The following NKAIN1 variants were observed in gnomAD, a reference collection of about 807,000 sequenced individuals.
NKAIN1 encodes sodium/potassium transporting ATPase interacting 1.
A neutral mutation model predicts 31.6 loss-of-function variants in NKAIN1; 13 were observed. That is an observed-to-expected ratio of 0.41 (90% CI 0.27 to 0.65). The LOEUF is 0.65. Among genes scored for constraint, NKAIN1 ranks in the 30% least tolerant of loss-of-function variants. The pLI is 0.30. For synonymous variants in NKAIN1, 104 were observed against 109.0 expected (o/e 0.95, Z 0.28); for missense variants, 193 against 262.2 (o/e 0.74, Z 1.82).
At chr1:31,200,229 C>A (rs1240282533) in intron 1 of NKAIN1, among the ~76,000 whole-genome samples, 1 of 152,208 alleles carries the variant, frequency 6.6e-6, no homozygotes, top group Non-Finnish European at 1.5e-5. Context: ...AAAAAGCAAG[C>A]TGCAGAGCAA....
At chr1:31,200,844 C>CTT (rs58544346) in intron 1 of NKAIN1, among the ~76,000 whole-genome samples, 21 of 145,058 alleles carry the variant, frequency 1.4e-4, no homozygotes, top group Admixed American at 6.9e-4. Flanking sequence ...TCTCGAGTGC[C>CTT]TTTTTTTTTT....
intron 4 of NKAIN1, among the ~76,000 whole-genome samples, chr1:31,183,603 T>C (rs1385707484): frequency 6.6e-6 from 1 of 151,860 alleles, no homozygotes; most frequent in Non-Finnish European, 1.5e-5. Flanking sequence ...CATGTGCCAC[T>C]ATGCCTGGCT....
chr1:31,208,163 C>T (rs547494087), intron 1 of NKAIN1, among the ~76,000 whole-genome samples: 19 of 152,256 alleles, frequency 1.2e-4, no homozygotes, highest in Non-Finnish European at 2.5e-4. Flanking sequence ...ATTTACTAGC[C>T]GTGTGACCTC....
At chr1:31,218,624 C>T (rs1645536195) in intron 1 of NKAIN1, among the ~76,000 whole-genome samples, 3 of 152,218 alleles carry the variant, frequency 2.0e-5, no homozygotes, top group Non-Finnish European at 2.9e-5. Flanking sequence ...ACCATCACCT[C>T]ATGCTGCTGG....
Position 31,188,063 on chromosome 1 carries a change from C to A in NKAIN1, c.179G>T (p.Arg60Leu). ...GIFGTVQYRSRYLILYAAWLV... is the reference protein window; with the variant it reads ...GIFGTVQYRSLYLILYAAWLV... The stretch of plus-strand genomic sequence containing the variant: ...GGTGAGCCGTACCAGGATGAGGTAC[C>A]GGGAGCGGTACTGCACGGTGCCAAA... Residue 60 changes from arginine (R) to leucine (L), a missense_variant, in exon 2 of 7, where the codon CGG (arginine) becomes CTG (leucine). Physicochemically the swap from Arg to Leu is moderately radical, Grantham distance 102. Coordinates refer to ENST00000373736, the MANE Select transcript of NKAIN1 (RefSeq NM_024522.3). 1 of 1,553,462 alleles carries A rather than the reference C, an allele frequency of 6.4e-7. No homozygotes were observed. Among genetic ancestry groups the A allele is most frequent in the South Asian group, 1.2e-5 (1 of 84,110 alleles).
rs1645212102 is a variant in NKAIN1, at chr1:31,182,609, C to G, written c.472-19G>C. The G allele has an allele frequency of 1.9e-6, 3 of 1,613,836 alleles. No homozygotes were observed. Among genetic ancestry groups the G allele is most frequent in the African/African-American group, 2.7e-5 (2 of 74,922 alleles). On this transcript the variant is annotated intron_variant, in intron 4 of 6. Coordinates refer to ENST00000373736, the MANE Select transcript of NKAIN1 (RefSeq NM_024522.3). ...CGAACAGCTGGGAGTGGAGATGACA[C>G]GTCAGGGAGGAAGGAGGAGTGGGAA...
intron 1 of NKAIN1, among the ~76,000 whole-genome samples, chr1:31,218,028 C>CTTTCTTTCTTTCTTTCTT (rs1645528147): frequency 3.3e-5 from 3 of 92,288 alleles, no homozygotes; most frequent in African/African-American, 1.7e-4. Context: ...TTCTTTCTTT[C>CTTTCTTTCTTTCTTTCTT]TTTCTTTCTT....
Position 31,181,567 on chromosome 1 carries a change from A to T in NKAIN1, c.*136T>A. On this transcript the variant is annotated 3_prime_UTR_variant, in exon 7 of 7. Coordinates refer to ENST00000373736, the MANE Select transcript of NKAIN1 (RefSeq NM_024522.3). ...AGTCCACGTCCAAGTCCGCATCTCC[A>T]GATGCAGACGCGGGGTTGGGCACAG... is the stretch of plus-strand genomic sequence containing the variant. 1.3e-6 allele frequency: 1 copy of T among 756,212 alleles called. No individual in the cohort carries two copies. Among genetic ancestry groups the T allele is most frequent in the Non-Finnish European group, 1.9e-6 (1 of 528,056 alleles). 46.8% of individuals were successfully genotyped at this position (756,212 alleles called of 1,614,324 possible). A position where few individuals can be genotyped will look rare whatever the true frequency, so the allele number is the denominator to read the frequency against.
chr1:31,214,006 AAAT>A lies in NKAIN1; in HGVS notation c.54+25485_54+25487del, dbSNP rs1645490565. Among the ~76,000 whole-genome samples, 4 of 123,106 alleles carry A rather than the reference AAAT, an allele frequency of 3.2e-5. No individual in the cohort carries two copies. The South Asian group carries it at 1.1e-3, about 33-fold the overall frequency. The allele number at this position is 123,106 out of a possible 152,430, so 80.8% of individuals were successfully genotyped here. On this transcript the variant is annotated intron_variant, in intron 1 of 6. Transcript: ENST00000373736. ...GAGCCCCTGTCTCAAAAAAAGAATA[AAAT>A]AAAAATTAATTAATTAATTAATTAA...
chr1:31,188,323 A>C (rs1645260753), intron 1 of NKAIN1, 136 bp from the exon 2 acceptor site: 2 of 930,900 alleles, frequency 2.1e-6, no homozygotes, highest in African/African-American at 3.3e-5. Flanking sequence ...CCAGTCCTTC[A>C]CTACCAAAGG....
intron 5 of NKAIN1, 87 bp from the exon 6 acceptor site, chr1:31,182,028 C>G: frequency 7.7e-7 from 1 of 1,303,032 alleles, no homozygotes; most frequent in Non-Finnish European, 1.1e-6. Context: ...AATCTGAGGG[C>G]AGGACTCCCA....
chr1:31,197,154 C>T (rs1326888217), intron 1 of NKAIN1, among the ~76,000 whole-genome samples: 1 of 150,166 alleles, frequency 6.7e-6, no homozygotes, highest in Non-Finnish European at 1.5e-5. Flanking sequence ...CTCTGCCGCC[C>T]AGGCTGGAGT....
chr1:31,199,642 G>A (rs866519124), intron 1 of NKAIN1, among the ~76,000 whole-genome samples: 29 of 152,238 alleles, frequency 1.9e-4, no homozygotes, highest in Middle Eastern at 3.4e-3. Context: ...CCCCATCTCC[G>A]GGGGTCCATC....
intron 2 of NKAIN1, among the ~76,000 whole-genome samples, chr1:31,187,543 G>A (rs1645252836): frequency 6.6e-6 from 1 of 152,142 alleles, no homozygotes; most frequent in Admixed American, 6.5e-5. Flanking sequence ...ATAAGATGAA[G>A]CCCATCCCTC....
At chr1:31,220,325 A>C (rs945995694) in intron 1 of NKAIN1, among the ~76,000 whole-genome samples, 1 of 151,480 alleles carries the variant, frequency 6.6e-6, no homozygotes, top group Admixed American at 6.6e-5. Context: ...CAACATTCAG[A>C]TCTTTTACGA....
At chr1:31,182,509 C>T (rs150738505) in intron 5 of NKAIN1, 21 bp downstream of exon 5, 8 of 1,613,774 alleles carry the variant, frequency 5.0e-6, no homozygotes, top group Non-Finnish European at 6.8e-6. Context: ...TTCCCCACTT[C>T]CCCAGGGGCG....
At chr1:31,200,278 C>T (rs958558791) in intron 1 of NKAIN1, among the ~76,000 whole-genome samples, 1 of 152,254 alleles carries the variant, frequency 6.6e-6, no homozygotes, top group African/African-American at 2.4e-5. Context: ...CTAAAAGGCA[C>T]CAAACGCGTG....
intron 1 of NKAIN1, among the ~76,000 whole-genome samples, chr1:31,236,295 CT>C (rs1426509745): frequency 6.6e-6 from 1 of 152,188 alleles, no homozygotes; most frequent in Non-Finnish European, 1.5e-5. Context: ...ACCCTCACAC[CT>C]CACTCCCTCA....
At position 31,183,797 on chromosome 1, in the gene NKAIN1, TG is replaced by T; in HGVS notation, c.471+19del. On this transcript the variant is annotated intron_variant, in intron 4 of 6. Coordinates refer to ENST00000373736, the MANE Select transcript of NKAIN1 (RefSeq NM_024522.3). ...AAGGGATCGGGAAGTGTGTGTAGGG[TG>T]GGGGACAGAAGGACTTACTGCCAGG... 1 of 1,601,662 alleles carries T rather than the reference TG, an allele frequency of 6.2e-7. No homozygotes were observed. Among genetic ancestry groups the T allele is most frequent in the African/African-American group, 1.3e-5 (1 of 74,498 alleles).
Sources: allele counts gnomAD v4.1 joint callset (sites outside exome capture counted in the v4.1 genomes callset), GRCh38; gene constraint gnomAD v4.1.1; transcripts MANE v1.5; gene names NCBI Gene and HGNC (gene_info 2026-07-23, HGNC 2026-07-21).